Variants in IL1RAPL2 observed in about 807,000 individuals in gnomAD.
IL1RAPL2 encodes interleukin 1 receptor accessory protein like 2.
IL1RAPL2 carries 3 observed loss-of-function variants against 44.1 expected under a neutral mutation model. The ratio of observed to expected loss-of-function variants is 0.07; its 90% confidence interval spans 0.03 to 0.18. IL1RAPL2 has a LOEUF of 0.18. Among genes scored for constraint, IL1RAPL2 ranks in the 10% least tolerant of loss-of-function variants. IL1RAPL2 has a pLI of 1.00. For missense variants in IL1RAPL2, 391 were observed against 496.4 expected, an observed-to-expected ratio of 0.79 and a Z score of 2.02; for synonymous variants, 181 against 178.8, an observed-to-expected ratio of 1.01 and a Z score of -0.10.
At chrX:104,806,448 A>G (rs758375158) in intron 2 of IL1RAPL2, among the ~76,000 whole-genome samples, 3 of 112,694 alleles carry the variant, frequency 2.7e-5, no homozygotes, top group Non-Finnish European at 5.6e-5. Context: ...GACAGAGGTC[A>G]ACGGGAAAAA....
intron 2 of IL1RAPL2, among the ~76,000 whole-genome samples, chrX:104,717,434 A>G (rs1931590746): frequency 9.8e-6 from 1 of 101,632 alleles, no homozygotes; most frequent in African/African-American, 4.0e-5. Context: ...TGTACCCCTG[A>G]ACTTAAAAGT....
At chrX:105,066,313 C>G (rs1228381424) in intron 2 of IL1RAPL2, among the ~76,000 whole-genome samples, 1 of 110,972 alleles carries the variant, frequency 9.0e-6, no homozygotes, top group Admixed American at 9.6e-5. Context: ...TTAATTTTAA[C>G]CACTTTATAT....
chrX:105,081,359 G>A (rs2032403845), intron 2 of IL1RAPL2, among the ~76,000 whole-genome samples: 2 of 111,077 alleles, frequency 1.8e-5, no homozygotes, highest in African/African-American at 6.5e-5. Flanking sequence ...ATATTTGAGG[G>A]CTTTGGGGTA....
intron 6 of IL1RAPL2, among the ~76,000 whole-genome samples, chrX:105,592,209 C>A (rs996936786): frequency 2.7e-5 from 3 of 111,497 alleles, no homozygotes; most frequent in African/African-American, 6.5e-5. Flanking sequence ...GGTTTAAGGT[C>A]TGTTTTGTGT....
intron 6 of IL1RAPL2, among the ~76,000 whole-genome samples, chrX:105,619,518 G>A (rs1029519270): frequency 1.2e-4 from 13 of 111,659 alleles, no homozygotes; most frequent in Non-Finnish European, 1.5e-4. Context: ...ATAATTTGGA[G>A]TGGCATATTC....
At chrX:105,691,244 T>G (rs2038033582) in intron 6 of IL1RAPL2, among the ~76,000 whole-genome samples, 1 of 111,507 alleles carries the variant, frequency 9.0e-6, no homozygotes, top group African/African-American at 3.3e-5. Context: ...TGGCATCAAT[T>G]CTAAAATATC....
At chrX:104,963,941 G>T (rs1272932264) in intron 2 of IL1RAPL2, among the ~76,000 whole-genome samples, 2 of 43,332 alleles carry the variant, frequency 4.6e-5, no homozygotes, top group African/African-American at 1.6e-4. Context: ...GTGTGAGAGA[G>T]AGAGAGAGAG....
chrX:105,514,473 A>G (rs1199058866), intron 6 of IL1RAPL2, among the ~76,000 whole-genome samples: 1 of 112,602 alleles, frequency 8.9e-6, no homozygotes, highest in Non-Finnish European at 1.9e-5. Flanking sequence ...ACAAGCAAAC[A>G]AACAAAACAA....
intron 5 of IL1RAPL2, among the ~76,000 whole-genome samples, chrX:105,331,290 T>G (rs2034984333): frequency 9.0e-6 from 1 of 111,524 alleles, no homozygotes; most frequent in African/African-American, 3.3e-5. Flanking sequence ...TTTCCCCAAG[T>G]TGGTTCCTGG....
chrX:105,029,682 T>C (rs759445581), intron 2 of IL1RAPL2, among the ~76,000 whole-genome samples: 1 of 110,255 alleles, frequency 9.1e-6, no homozygotes, highest in South Asian at 4.0e-4. Context: ...TCCAAGTCTT[T>C]GCTATTGTGA....
chrX:104,936,763 G>A (rs1351948581), intron 2 of IL1RAPL2, among the ~76,000 whole-genome samples: 7 of 108,399 alleles, frequency 6.5e-5, no homozygotes, highest in African/African-American at 2.4e-4. Flanking sequence ...CCGCCACCAC[G>A]GTGGCTAATT....
chrX:105,447,776 A>ATGT (rs2035980123), intron 5 of IL1RAPL2, among the ~76,000 whole-genome samples: 4 of 88,053 alleles, frequency 4.5e-5, no homozygotes, highest in African/African-American at 1.8e-4. Context: ...ATATATAAAT[A>ATGT]TATTAAAAAT....
intron 1 of IL1RAPL2, among the ~76,000 whole-genome samples, chrX:104,618,748 A>G (rs1929328562): frequency 9.0e-6 from 1 of 111,251 alleles, no homozygotes; most frequent in African/African-American, 3.3e-5. Flanking sequence ...CAGGCTGCTG[A>G]TCCAAGCAAG....
rs1354930281 is a variant in IL1RAPL2 at position 105,195,517 on chromosome X, T to C, written c.125T>C (p.Met42Thr). The C allele has an allele frequency of 8.3e-7, 1 of 1,210,312 alleles. No homozygotes were observed. Among genetic ancestry groups the C allele is most frequent in the Non-Finnish European group, 1.1e-6 (1 of 895,018 alleles). ...IDWSVDLKTYMALAGEPVRVK... is the reference protein window; with the variant it reads ...IDWSVDLKTYTALAGEPVRVK... ...TGGTCAGTGGATCTCAAGACATACA[T>C]GGCTTTGGCAGGTGAACCAGTCCGA... The change falls in exon 3 of 11, where the codon ATG becomes ACG. Residue 42 changes from methionine to threonine, a missense_variant. Met to Thr is a moderately conservative substitution (Grantham distance 81). Transcript: ENST00000372582.
chrX:105,711,973 C>G (rs1225108292), intron 6 of IL1RAPL2, among the ~76,000 whole-genome samples: 1 of 112,136 alleles, frequency 8.9e-6, no homozygotes, highest in African/African-American at 3.2e-5. Flanking sequence ...TTTGGCAGCC[C>G]TAACCCTGGG....
At chrX:105,191,658 A>G (rs1187299395) in intron 2 of IL1RAPL2, among the ~76,000 whole-genome samples, 1 of 112,383 alleles carries the variant, frequency 8.9e-6, no homozygotes, top group Non-Finnish European at 1.9e-5. Flanking sequence ...TATTCATAAG[A>G]CTTGAGTGAA....
intron 2 of IL1RAPL2, among the ~76,000 whole-genome samples, chrX:105,018,357 C>T (rs1455202369): frequency 9.0e-6 from 1 of 111,279 alleles, no homozygotes; most frequent in East Asian, 2.9e-4. Flanking sequence ...GCTCAGTATG[C>T]CTTCCTCCTA....
chrX:105,077,307 T>C (rs1407045245), intron 2 of IL1RAPL2, among the ~76,000 whole-genome samples: 1 of 111,661 alleles, frequency 9.0e-6, no homozygotes, highest in Non-Finnish European at 1.9e-5. Flanking sequence ...TTATGAAGCT[T>C]AGTTTGGCTG....
intron 2 of IL1RAPL2, among the ~76,000 whole-genome samples, chrX:105,109,426 A>C (rs749287406): frequency 8.9e-6 from 1 of 112,545 alleles, no homozygotes; most frequent in Non-Finnish European, 1.9e-5. Context: ...TTTAGCCATG[A>C]AAAATAATAA....
Sources: allele counts gnomAD v4.1 joint callset (sites outside exome capture counted in the v4.1 genomes callset), GRCh38; gene constraint gnomAD v4.1.1; transcripts MANE v1.5; gene names NCBI Gene and HGNC (gene_info 2026-07-23, HGNC 2026-07-21).